The following CEP63 variants were observed in gnomAD, a reference collection of about 807,000 sequenced individuals.
The protein encoded by CEP63 is centrosomal protein 63.
In CEP63, 84 loss-of-function variants were observed where a neutral mutation model predicts 89.1. The observed-to-expected ratio is 0.94, with a 90% CI of 0.79 to 1.13. The LOEUF (loss-of-function observed/expected upper bound fraction) is 1.13. Among genes scored for constraint, CEP63 ranks in the 50% most tolerant of loss-of-function variants. The pLI is 0.00. For missense variants in CEP63, 838 were observed against 813.3 expected (o/e 1.03, Z -0.37); for synonymous variants, 267 against 272.5 (o/e 0.98, Z 0.20).
the CEP63 span, among the ~76,000 whole-genome samples, chr3:134,611,634 C>T: frequency 6.6e-6 from 1 of 152,234 alleles, no homozygotes; most frequent in Non-Finnish European, 1.5e-5. Flanking sequence ...TGATGGGGCT[C>T]CTTTGAGTAC....
At chr3:134,559,089 G>A in intron 13 of CEP63, 61 bp from the exon 14 acceptor site, 1 of 1,579,778 alleles carries the variant, frequency 6.3e-7, no homozygotes, top group Non-Finnish European at 8.7e-7. Flanking sequence ...CTACATTTCT[G>A]TTGGAAAGAG....
downstream of CEP63, among the ~76,000 whole-genome samples, chr3:134,576,428 C>T (rs1023615535): frequency 1.3e-5 from 2 of 152,222 alleles, no homozygotes; most frequent in Non-Finnish European, 2.9e-5. Context: ...GCTCCAAGAA[C>T]CTCTGACAAG....
the CEP63 span, among the ~76,000 whole-genome samples, chr3:134,710,868 C>T: frequency 5.3e-5 from 8 of 151,920 alleles, no homozygotes; most frequent in South Asian, 2.1e-4. Flanking sequence ...AGTACAGGCG[C>T]GCACCACCAT....
At chr3:134,722,682 T>C in the CEP63 span, among the ~76,000 whole-genome samples, 1 of 152,216 alleles carries the variant, frequency 6.6e-6, no homozygotes, top group Non-Finnish European at 1.5e-5. Flanking sequence ...AGTGTTCTAG[T>C]GATTTAAAAA....
At chr3:134,585,737 T>C (rs1958470760) in intron 10 of CEP63, among the ~76,000 whole-genome samples, 1 of 152,198 alleles carries the variant, frequency 6.6e-6, no homozygotes, top group Non-Finnish European at 1.5e-5. Context: ...GTTCAAGTCC[T>C]GGATATCCTT....
At chr3:134,591,114 G>A (rs563339420), downstream of CEP63, among the ~76,000 whole-genome samples, 2 of 152,286 alleles carry the variant, frequency 1.3e-5, no homozygotes, top group Admixed American at 6.5e-5. Flanking sequence ...GTTTCTAAAT[G>A]TTCTTATTCT....
At chr3:134,686,439 G>A in the CEP63 span, among the ~76,000 whole-genome samples, 2 of 152,236 alleles carry the variant, frequency 1.3e-5, no homozygotes, top group Non-Finnish European at 2.9e-5. Context: ...ACCTGGGCTA[G>A]GGTCAGCAGG....
chr3:134,541,363 C>T (rs1346540652), intron 6 of CEP63, among the ~76,000 whole-genome samples: 1 of 151,900 alleles, frequency 6.6e-6, no homozygotes, highest in African/African-American at 2.4e-5. Flanking sequence ...TACATTTTAT[C>T]TAAAAATTAC....
At chr3:134,724,303 GC>G in the CEP63 span, among the ~76,000 whole-genome samples, 3 of 152,204 alleles carry the variant, frequency 2.0e-5, no homozygotes, top group Admixed American at 1.3e-4. Flanking sequence ...CTGTCAGGTG[GC>G]ATTAGAATGG....
chr3:134,634,552 T>A, the CEP63 span, among the ~76,000 whole-genome samples: 1 of 152,180 alleles, frequency 6.6e-6, no homozygotes, highest in Non-Finnish European at 1.5e-5. Flanking sequence ...AATAAGCACA[T>A]GAAAAGATGT....
chr3:134,611,578 A>G, the CEP63 span, among the ~76,000 whole-genome samples: 1 of 152,256 alleles, frequency 6.6e-6, no homozygotes, highest in African/African-American at 2.4e-5. Context: ...AAATTGGTGT[A>G]ATAGATACAC....
At chr3:134,574,532 A>G (rs1958145405) in intron 11 of CEP63, among the ~76,000 whole-genome samples, 2 of 152,148 alleles carry the variant, frequency 1.3e-5, no homozygotes, top group South Asian at 2.1e-4. Flanking sequence ...AATTCTTCAA[A>G]TTAGCATTTC....
chr3:134,530,188 A>G (rs1010477674), intron 3 of CEP63, among the ~76,000 whole-genome samples: 6 of 152,124 alleles, frequency 3.9e-5, no homozygotes, highest in African/African-American at 1.2e-4. Flanking sequence ...AAGAATATTT[A>G]TAAGTGTTTT....
the CEP63 span, among the ~76,000 whole-genome samples, chr3:134,714,943 A>G: frequency 5.1e-4 from 78 of 152,248 alleles, 1 homozygote; most frequent in Non-Finnish European, 1.3e-4. Context: ...AAGCCCATGC[A>G]TAAAGTGTCA....
chr3:134,744,440 A>T, the CEP63 span, among the ~76,000 whole-genome samples: 1 of 152,208 alleles, frequency 6.6e-6, no homozygotes, highest in African/African-American at 2.4e-5. Flanking sequence ...CTGCTAGGGA[A>T]ACGGGTGGCA....
the CEP63 span, among the ~76,000 whole-genome samples, chr3:134,696,138 A>G: frequency 6.6e-6 from 1 of 152,154 alleles, no homozygotes; most frequent in Non-Finnish European, 1.5e-5. Context: ...CTACCTTGCC[A>G]CCCTTAATAT....
chr3:134,660,358 G>A, the CEP63 span, among the ~76,000 whole-genome samples: 1 of 152,214 alleles, frequency 6.6e-6, no homozygotes, highest in Non-Finnish European at 1.5e-5. Flanking sequence ...AATATGATAT[G>A]CAAAGCCACA....
chr3:134,760,058 C>CT, the CEP63 span, among the ~76,000 whole-genome samples: 24,458 of 130,990 alleles, frequency 0.19, 2,947 homozygotes, highest in South Asian at 0.42. Flanking sequence ...AGAGCACTTT[C>CT]TTTTTTTTTT....
chr3:134,565,592 G>C (rs578010032), downstream of CEP63, among the ~76,000 whole-genome samples: 1 of 152,128 alleles, frequency 6.6e-6, no homozygotes, highest in East Asian at 1.9e-4. Flanking sequence ...TAGTATAAAT[G>C]CATCAAAAAG....
Sources: allele counts gnomAD v4.1 joint callset (sites outside exome capture counted in the v4.1 genomes callset), GRCh38; gene constraint gnomAD v4.1.1; transcripts MANE v1.5; gene names NCBI Gene and HGNC (gene_info 2026-07-23, HGNC 2026-07-21).